The following LOC128706665 variants were observed in gnomAD, a reference collection of about 807,000 sequenced individuals.
chr20:10,417,937 G>A, the LOC128706665 span, among the ~76,000 whole-genome samples: 29 of 152,264 alleles, frequency 1.9e-4, no homozygotes, highest in African/African-American at 6.7e-4. Flanking sequence ...GCAGATTTAG[G>A]AGGGGAATTG....
At chr20:10,429,574 C>T in the LOC128706665 span, among the ~76,000 whole-genome samples, 2 of 152,178 alleles carry the variant, frequency 1.3e-5, no homozygotes, top group Non-Finnish European at 2.9e-5. Context: ...GCTGTTCCAC[C>T]TGGATTTCCT....
chr20:10,427,992 T>C, the LOC128706665 span, among the ~76,000 whole-genome samples: 1 of 152,384 alleles, frequency 6.6e-6, no homozygotes, highest in Non-Finnish European at 1.5e-5. Context: ...AAGTATCTTA[T>C]GTCTTTTGCT....
At chr20:10,419,005 T>C in the LOC128706665 span, among the ~76,000 whole-genome samples, 1 of 152,266 alleles carries the variant, frequency 6.6e-6, no homozygotes, top group East Asian at 1.9e-4. Flanking sequence ...AATTGTCTAA[T>C]ATATTAAGCT....
At chr20:10,421,361 T>C in the LOC128706665 span, among the ~76,000 whole-genome samples, 1 of 150,120 alleles carries the variant, frequency 6.7e-6, no homozygotes, top group East Asian at 1.9e-4. Context: ...GAGGTGGAGG[T>C]TGCAGTGAGC....
At chr20:10,427,385 C>T in the LOC128706665 span, among the ~76,000 whole-genome samples, 1 of 152,136 alleles carries the variant, frequency 6.6e-6, no homozygotes, top group Non-Finnish European at 1.5e-5. Context: ...AAAACTTCCA[C>T]TGAATGTAAT....
chr20:10,426,678 A>G, the LOC128706665 span, among the ~76,000 whole-genome samples: 1 of 152,260 alleles, frequency 6.6e-6, no homozygotes, highest in Non-Finnish European at 1.5e-5. Flanking sequence ...GATTACAGGC[A>G]TGAGCCATGC....
At chr20:10,423,348 G>A in the LOC128706665 span, among the ~76,000 whole-genome samples, 1 of 152,098 alleles carries the variant, frequency 6.6e-6, no homozygotes, top group Non-Finnish European at 1.5e-5. Context: ...TTGGACCTTG[G>A]GAGGCTGAGG....
At chr20:10,427,653 C>T in the LOC128706665 span, among the ~76,000 whole-genome samples, 86 of 152,306 alleles carry the variant, frequency 5.6e-4, no homozygotes, top group Non-Finnish European at 6.0e-4. Flanking sequence ...AAAGACTGCA[C>T]GTGGTCTTCA....
chr20:10,432,161 T>TA, the LOC128706665 span, among the ~76,000 whole-genome samples: 1 of 152,198 alleles, frequency 6.6e-6, no homozygotes. Flanking sequence ...TCAAGGGGTA[T>TA]AAAAGCCTGG....
the LOC128706665 span, among the ~76,000 whole-genome samples, chr20:10,414,471 GC>G: frequency 6.6e-6 from 1 of 151,916 alleles, no homozygotes; most frequent in Non-Finnish European, 1.5e-5. Context: ...CTCCATGTTT[GC>G]CAGGTTGGTC....
the LOC128706665 span, among the ~76,000 whole-genome samples, chr20:10,422,602 A>G: frequency 6.6e-6 from 1 of 152,184 alleles, no homozygotes; most frequent in Admixed American, 6.5e-5. Flanking sequence ...CTTGTTTGCA[A>G]ACACCTTAAC....
the LOC128706665 span, chr20:10,431,569 A>C: frequency 6.6e-6 from 1 of 151,506 alleles, no homozygotes; most frequent in Admixed American, 6.6e-5. Context: ...AACCAAACCA[A>C]ACCCGCACAA....
chr20:10,426,103 A>G, the LOC128706665 span, among the ~76,000 whole-genome samples: 1 of 152,132 alleles, frequency 6.6e-6, no homozygotes, highest in East Asian at 1.9e-4. Flanking sequence ...CATATTTTTC[A>G]TTTTGTTTTG....
At chr20:10,421,422 A>C in the LOC128706665 span, among the ~76,000 whole-genome samples, 22 of 151,460 alleles carry the variant, frequency 1.5e-4, no homozygotes, top group African/African-American at 5.1e-4. Flanking sequence ...ATCACAAAAA[A>C]AAAAAAAAAA....
the LOC128706665 span, among the ~76,000 whole-genome samples, chr20:10,417,265 A>C: frequency 7.6e-6 from 1 of 131,808 alleles, no homozygotes; most frequent in Admixed American, 7.7e-5. Flanking sequence ...AAAAAAAAAA[A>C]TCAAAGGGGA....
chr20:10,421,668 T>G, the LOC128706665 span, among the ~76,000 whole-genome samples: 1 of 152,112 alleles, frequency 6.6e-6, no homozygotes, highest in African/African-American at 2.4e-5. Context: ...TTTAGAGTGT[T>G]TGCCCTGAAT....
the LOC128706665 span, among the ~76,000 whole-genome samples, chr20:10,415,392 G>A: frequency 2.0e-5 from 3 of 152,110 alleles, no homozygotes; most frequent in Non-Finnish European, 4.4e-5. Flanking sequence ...GCAGAACAAG[G>A]GAATGTTATG....
At chr20:10,413,820 T>C in the LOC128706665 span, 690 of 514,288 alleles carry the variant, frequency 1.3e-3, 8 homozygotes, top group East Asian at 0.019. Context: ...TGTTCCAAGA[T>C]GGACACCTAT....
chr20:10,427,739 A>G, the LOC128706665 span, among the ~76,000 whole-genome samples: 4 of 152,208 alleles, frequency 2.6e-5, no homozygotes, highest in African/African-American at 9.7e-5. Context: ...TATCACCTAA[A>G]ATAACACTCA....
Sources: allele counts gnomAD v4.1 joint callset (sites outside exome capture counted in the v4.1 genomes callset), GRCh38; gene constraint gnomAD v4.1.1; transcripts MANE v1.5.